Variants in DGKB observed in about 807,000 individuals in gnomAD.
DGKB encodes diacylglycerol kinase beta.
A neutral mutation model predicts 114.3 loss-of-function variants in DGKB; 67 were observed. The ratio of observed to expected loss-of-function variants is 0.59; its 90% confidence interval spans 0.48 to 0.72. The LOEUF (loss-of-function observed/expected upper bound fraction) is 0.72, where lower values mean the gene tolerates loss of function less well. DGKB is among the 30% of genes least tolerant of loss of function. The probability of loss-of-function intolerance (pLI) is 0.00; values close to 1 mark genes in which losing one functional copy is unlikely to be tolerated. For missense variants in DGKB, 907 were observed against 975.2 expected (o/e 0.93, Z 0.93); for synonymous variants, 398 against 323.1 (o/e 1.23, Z -2.49).
chr7:14,696,279 G>A (rs903975845), intron 8 of DGKB, among the ~76,000 whole-genome samples: 8 of 151,524 alleles, frequency 5.3e-5, no homozygotes, highest in Non-Finnish European at 1.2e-4. Flanking sequence ...GGATCAGGAG[G>A]TCAGGAGATC....
intron 25 of DGKB, among the ~76,000 whole-genome samples, chr7:14,155,939 C>T (rs566768557): frequency 6.6e-6 from 1 of 152,072 alleles, no homozygotes; most frequent in Non-Finnish European, 1.5e-5. Flanking sequence ...TGGGTTTGAT[C>T]ATCTTATAAC....
intron 1 of DGKB, among the ~76,000 whole-genome samples, chr7:14,850,172 C>T (rs1399973015): frequency 6.6e-6 from 1 of 152,088 alleles, no homozygotes; most frequent in African/African-American, 2.4e-5. Flanking sequence ...CCACTGGTGA[C>T]TTTAGCAATA....
intron 5 of DGKB, among the ~76,000 whole-genome samples, chr7:14,735,768 A>G (rs1312232293): frequency 6.6e-6 from 1 of 152,256 alleles, no homozygotes; most frequent in Non-Finnish European, 1.5e-5. Flanking sequence ...TAACAAGAGC[A>G]GTTTTCCAAA....
Position 14,567,176 on chromosome 7 carries a change from T to C in DGKB, c.1770+7036A>G, listed in dbSNP as rs372433863. The stretch of plus-strand genomic sequence containing the variant: ...TATACAATTATATTTATATATATTA[T>C]ATATAATTATATATTTATATATTAT... On this transcript the variant is annotated intron_variant, in intron 20 of 25. Coordinates refer to ENST00000402815, the MANE Select transcript of DGKB (RefSeq NM_001350709.2). Among the ~76,000 whole-genome samples, 107 of 94,794 alleles carry C rather than the reference T, an allele frequency of 1.1e-3. No individual in the cohort carries two copies. In the East Asian group the frequency reaches 0.023, roughly 20 times the overall value. 62.2% of individuals were successfully genotyped at this position (94,794 alleles called of 152,430 possible).
intron 14 of DGKB, among the ~76,000 whole-genome samples, chr7:14,625,952 CTTAACT>C (rs1808496813): frequency 6.6e-6 from 1 of 152,014 alleles, no homozygotes; most frequent in African/African-American, 2.4e-5. Flanking sequence ...CACAACAGAT[CTTAACT>C]GGGGAATATA....
At chr7:14,459,197 C>T (rs62443312) in intron 21 of DGKB, among the ~76,000 whole-genome samples, 16,980 of 152,040 alleles carry the variant, frequency 0.11, 1,198 homozygotes, top group East Asian at 0.22. Context: ...AAGGCAGCAG[C>T]CCTAGTCAGA....
At chr7:14,886,205 T>C (rs952047541) in intron 1 of DGKB, among the ~76,000 whole-genome samples, 11 of 151,758 alleles carry the variant, frequency 7.2e-5, no homozygotes, top group Non-Finnish European at 1.5e-4. Context: ...GATTAAAAGA[T>C]AGAATTTCAA....
At chr7:14,417,589 A>G (rs1180896896) in intron 21 of DGKB, among the ~76,000 whole-genome samples, 3 of 152,018 alleles carry the variant, frequency 2.0e-5, no homozygotes, top group African/African-American at 7.2e-5. Flanking sequence ...AAAATCATTC[A>G]CCCAATTTAA....
chr7:14,713,584 G>C (rs908042739), intron 6 of DGKB, among the ~76,000 whole-genome samples: 5 of 149,684 alleles, frequency 3.3e-5, no homozygotes, highest in Non-Finnish European at 7.4e-5. Context: ...ATGGATTTTA[G>C]TAATAGCTAG....
intron 25 of DGKB, among the ~76,000 whole-genome samples, chr7:14,160,381 G>A (rs905605446): frequency 1.3e-5 from 2 of 151,952 alleles, no homozygotes; most frequent in Non-Finnish European, 2.9e-5. Context: ...AAACCCCATT[G>A]TCTCAGCCCC....
chr7:14,432,583 C>T (rs1053225503), intron 21 of DGKB, among the ~76,000 whole-genome samples: 1 of 152,136 alleles, frequency 6.6e-6, no homozygotes, highest in African/African-American at 2.4e-5. Flanking sequence ...TGGCCTCTGG[C>T]TTGAATTGTA....
intron 23 of DGKB, among the ~76,000 whole-genome samples, chr7:14,241,624 A>G (rs2128366137): frequency 6.6e-6 from 1 of 152,156 alleles, no homozygotes. Flanking sequence ...AACTGGTTTG[A>G]TTTTACCTGA....
intron 23 of DGKB, among the ~76,000 whole-genome samples, chr7:14,333,921 G>A (rs145630552): frequency 6.6e-6 from 1 of 152,108 alleles, no homozygotes; most frequent in East Asian, 1.9e-4. Flanking sequence ...TACCTGAAAA[G>A]CTCCAATTTC....
rs747920377 is a variant in DGKB at position 14,574,175 on chromosome 7, T to C, written c.1770+37A>G. 38 of 1,571,920 alleles carry C rather than the reference T, an allele frequency of 2.4e-5. 1 individual carries two copies. Among genetic ancestry groups the C allele is most frequent in the Admixed American group, 1.2e-4 (7 of 57,938 alleles). On this transcript the variant is annotated intron_variant, in intron 20 of 25. Coordinates refer to ENST00000402815, the MANE Select transcript of DGKB (RefSeq NM_001350709.2). ...AAGTTTTCTCACTGTGATTATACAG[T>C]ACAGGTACAAAGGTAAAATTTAGTG...
At chr7:14,962,543 A>G (rs539606916) in intron 1 of DGKB, among the ~76,000 whole-genome samples, 1 of 152,154 alleles carries the variant, frequency 6.6e-6, no homozygotes, top group South Asian at 2.1e-4. Flanking sequence ...TACTCATTCA[A>G]AATGTAATGA....
intron 23 of DGKB, among the ~76,000 whole-genome samples, chr7:14,283,887 G>A (rs543516997): frequency 2.0e-5 from 3 of 151,868 alleles, no homozygotes; most frequent in Non-Finnish European, 4.4e-5. Flanking sequence ...AGACTTAAAC[G>A]TTAGACCTAA....
chr7:14,750,648 T>C (rs1833966339), intron 4 of DGKB, among the ~76,000 whole-genome samples: 1 of 152,112 alleles, frequency 6.6e-6, no homozygotes, highest in Admixed American at 6.6e-5. Context: ...ATTTAACTTG[T>C]TCACCTAAAA....
At chr7:14,744,804 G>T (rs1198508385) in intron 4 of DGKB, among the ~76,000 whole-genome samples, 1 of 152,098 alleles carries the variant, frequency 6.6e-6, no homozygotes, top group African/African-American at 2.4e-5. Flanking sequence ...CCACACATTT[G>T]TCATTAAATT....
intron 21 of DGKB, among the ~76,000 whole-genome samples, chr7:14,365,878 G>A (rs185234234): frequency 5.5e-4 from 83 of 152,176 alleles, no homozygotes; most frequent in Non-Finnish European, 1.1e-3. Context: ...AATACTTAGA[G>A]CAGCAGTTTT....
Sources: allele counts gnomAD v4.1 joint callset (sites outside exome capture counted in the v4.1 genomes callset), GRCh38; gene constraint gnomAD v4.1.1; transcripts MANE v1.5; gene names NCBI Gene and HGNC (gene_info 2026-07-23, HGNC 2026-07-21).